The following DPP10 variants were observed in gnomAD, a reference collection of about 807,000 sequenced individuals.
The protein encoded by DPP10 is inactive dipeptidyl peptidase 10.
DPP10 carries 33 observed loss-of-function variants against 120.9 expected under a neutral mutation model. That is an observed-to-expected ratio of 0.27 (90% CI 0.21 to 0.37). The LOEUF (loss-of-function observed/expected upper bound fraction) is 0.37. Among genes scored for constraint, DPP10 ranks in the 10% least tolerant of loss-of-function variants. The probability of loss-of-function intolerance (pLI) is 1.00; values close to 1 mark genes in which losing one functional copy is unlikely to be tolerated. For synonymous variants in DPP10, 337 were observed against 326.1 expected, an observed-to-expected ratio of 1.03 and a Z score of -0.36; for missense variants, 816 against 942.8, an observed-to-expected ratio of 0.87 and a Z score of 1.76.
chr2:114,616,957 G>T (rs79348766), intron 1 of DPP10, among the ~76,000 whole-genome samples: 1,576 of 152,210 alleles, frequency 0.01, 35 homozygotes, highest in African/African-American at 0.036. Context: ...TGATTAACCT[G>T]AAATTAGCAG....
intron 3 of DPP10, among the ~76,000 whole-genome samples, chr2:115,403,928 A>G (rs2068308905): frequency 1.3e-5 from 2 of 152,328 alleles, no homozygotes; most frequent in Admixed American, 6.5e-5. Flanking sequence ...TGCAAAAATC[A>G]GTAGCTTTTC....
intron 21 of DPP10, among the ~76,000 whole-genome samples, chr2:115,817,158 G>A (rs1687332370): frequency 6.6e-6 from 1 of 151,808 alleles, no homozygotes; most frequent in African/African-American, 2.4e-5. Context: ...TGAGGCAGGA[G>A]AATGGCTGAT....
At chr2:115,508,647 GTAA>G (rs1460098035) in intron 4 of DPP10, among the ~76,000 whole-genome samples, 2 of 152,184 alleles carry the variant, frequency 1.3e-5, no homozygotes, top group Non-Finnish European at 2.9e-5. Context: ...GCTCACGCCT[GTAA>G]TCCCAGCACT....
rs546663467 is a variant in DPP10, at chr2:115,288,386, A to G, written c.61-20853A>G. Among the ~76,000 whole-genome samples, 9 of 152,106 alleles carry G rather than the reference A, an allele frequency of 5.9e-5. No individual in the cohort carries two copies. In the East Asian group the frequency reaches 1.7e-3, roughly 30 times the overall value. ...CAATAGACTCTTCTGAGTCTATTCA[A>G]TAAAATTCAATAAAATCCAACATCT... On this transcript the variant is annotated intron_variant, in intron 1 of 25. Coordinates refer to ENST00000410059, the MANE Select transcript of DPP10 (RefSeq NM_020868.6).
chr2:115,013,596 T>C (rs1413947069), intron 1 of DPP10, among the ~76,000 whole-genome samples: 1 of 146,228 alleles, frequency 6.8e-6, no homozygotes, highest in Non-Finnish European at 1.5e-5. Flanking sequence ...TCATCTCATG[T>C]GCAAAACACA....
chr2:115,486,027 T>C (rs1369154427), intron 3 of DPP10, among the ~76,000 whole-genome samples: 1 of 152,154 alleles, frequency 6.6e-6, no homozygotes, highest in Non-Finnish European at 1.5e-5. Context: ...TGATTGCCAC[T>C]GTGTATTTTA....
rs551175884 is a variant in DPP10 at position 114,953,140 on chromosome 2, TA to T, written c.61-356092del. ...TATGCTTTAAAATCCTTCAAAAGTT[TA>T]AAAAAATCTAATTTTATTTTACATA... On this transcript the variant is annotated intron_variant, in intron 1 of 25. Transcript: ENST00000410059. 3.4e-4 allele frequency among the ~76,000 whole-genome samples: 52 copies of T among 152,134 alleles called. No individual in the cohort carries two copies. In the East Asian group the frequency reaches 9.3e-3, roughly 27 times the overall value.
At chr2:115,156,968 T>G (rs889360004) in intron 1 of DPP10, among the ~76,000 whole-genome samples, 5 of 152,258 alleles carry the variant, frequency 3.3e-5, no homozygotes, top group Admixed American at 2.6e-4. Context: ...TTTTTTACTG[T>G]GCCGACATAA....
intron 1 of DPP10, among the ~76,000 whole-genome samples, chr2:114,750,402 T>C (rs968679328): frequency 2.6e-5 from 4 of 151,998 alleles, no homozygotes; most frequent in Non-Finnish European, 5.9e-5. Flanking sequence ...GGCACAATCT[T>C]GGCTCACTGC....
intron 19 of DPP10, among the ~76,000 whole-genome samples, chr2:115,803,340 G>C (rs144947031): frequency 0.08 from 12,237 of 152,134 alleles, 654 homozygotes; most frequent in Non-Finnish European, 0.12. Flanking sequence ...CACGTGAGAT[G>C]GGTTTTCTGA....
chr2:115,628,021 A>G (rs1407819471), intron 5 of DPP10, among the ~76,000 whole-genome samples: 5 of 111,374 alleles, frequency 4.5e-5, no homozygotes, highest in Non-Finnish European at 8.7e-5. Flanking sequence ...GTCAAATGGC[A>G]TTTCTGGTTC....
At chr2:115,195,810 C>T (rs1480157268) in intron 1 of DPP10, among the ~76,000 whole-genome samples, 1 of 152,182 alleles carries the variant, frequency 6.6e-6, no homozygotes, top group African/African-American at 2.4e-5. Flanking sequence ...ACTCTTCCCT[C>T]CACAAAGCAA....
intron 5 of DPP10, among the ~76,000 whole-genome samples, chr2:115,576,912 A>C (rs1043571449): frequency 5.3e-5 from 8 of 152,176 alleles, no homozygotes; most frequent in Non-Finnish European, 1.2e-4. Flanking sequence ...AGTTGTAATA[A>C]ATTTAGGGAA....
chr2:114,956,715 T>C (rs1698230877), intron 1 of DPP10, among the ~76,000 whole-genome samples: 1 of 152,022 alleles, frequency 6.6e-6, no homozygotes, highest in Admixed American at 6.6e-5. Flanking sequence ...TTTATAGTAA[T>C]TGAAACAGAA....
chr2:115,133,141 GTGTGTATATATA>G lies in DPP10; in HGVS notation c.61-176096_61-176085del, dbSNP rs1490197169. Among the ~76,000 whole-genome samples, 100 of 35,382 alleles carry G rather than the reference GTGTGTATATATA, an allele frequency of 2.8e-3. 1 individual carries two copies. Among genetic ancestry groups the G allele is most frequent in the African/African-American group, 9.9e-3 (98 of 9,888 alleles). 23.2% of individuals were successfully genotyped at this position (35,382 alleles called of 152,430 possible). A position where few individuals can be genotyped will look rare whatever the true frequency, so the allele number is the denominator to read the frequency against. ...TGTGTGTGTGTGTGTGTGTGTGTGT[GTGTGTATATATA>G]TATATATATATATATATATATATAG... On this transcript the variant is annotated intron_variant, in intron 1 of 25. Coordinates refer to ENST00000410059, the MANE Select transcript of DPP10 (RefSeq NM_020868.6).
At chr2:115,180,432 A>G (rs72839217) in intron 1 of DPP10, among the ~76,000 whole-genome samples, 1 of 152,180 alleles carries the variant, frequency 6.6e-6, no homozygotes, top group Non-Finnish European at 1.5e-5. Flanking sequence ...TGATTCTATC[A>G]TAAGGAATCA....
chr2:115,613,350 G>T (rs2084255976), intron 5 of DPP10, among the ~76,000 whole-genome samples: 1 of 152,196 alleles, frequency 6.6e-6, no homozygotes, highest in Non-Finnish European at 1.5e-5. Flanking sequence ...GTGGCATAAA[G>T]TATTAGTGTT....
At chr2:114,616,298 G>C (rs990451336) in intron 1 of DPP10, among the ~76,000 whole-genome samples, 1 of 152,122 alleles carries the variant, frequency 6.6e-6, no homozygotes, top group Admixed American at 6.6e-5. Flanking sequence ...ATGACTTGCT[G>C]TACCCAGTGG....
intron 5 of DPP10, among the ~76,000 whole-genome samples, chr2:115,544,056 A>G (rs926658539): frequency 6.6e-6 from 1 of 152,000 alleles, no homozygotes; most frequent in South Asian, 2.1e-4. Context: ...AAAAAAAACA[A>G]TCCTGAAGAA....
Sources: allele counts gnomAD v4.1 joint callset (sites outside exome capture counted in the v4.1 genomes callset), GRCh38; gene constraint gnomAD v4.1.1; transcripts MANE v1.5; gene names NCBI Gene and HGNC (gene_info 2026-07-23, HGNC 2026-07-21).